Variants in LRFN2 observed in about 807,000 individuals in gnomAD.
The protein encoded by LRFN2 is leucine-rich repeat and fibronectin type-III domain-containing protein 2.
Under a neutral mutation model 37.3 loss-of-function variants are expected in LRFN2, and 18 were observed. The ratio of observed to expected loss-of-function variants is 0.48; its 90% CI spans 0.33 to 0.72. The LOEUF (loss-of-function observed/expected upper bound fraction) is 0.72. Among genes scored for constraint, LRFN2 ranks in the 30% least tolerant of loss-of-function variants. The probability of loss-of-function intolerance (pLI) is 0.02; values close to 1 mark genes in which losing one functional copy is unlikely to be tolerated. For missense variants in LRFN2, 1,006 were observed against 1,060.7 expected (o/e 0.95, Z 0.72); for synonymous variants, 556 against 466.6 (o/e 1.19, Z -2.47).
chr6:40,496,945 C>T lies in LRFN2; in HGVS notation c.-18-63814G>A, dbSNP rs941518600. On this transcript the variant is annotated intron_variant, in intron 1 of 2. Transcript: ENST00000338305. ...TGAAAATCCAGTTAATTACTCAGTG[C>T]CTTCCCTATCTATAATGTAAGGGTT... is the stretch of plus-strand genomic sequence containing the variant. 2.9e-4 allele frequency among the ~76,000 whole-genome samples: 44 copies of T among 152,090 alleles called. 1 individual carries two copies. Among genetic ancestry groups the T allele is most frequent in the African/African-American group, 7.2e-5 (3 of 41,408 alleles).
At chr6:40,420,235 C>T (rs79440993) in intron 2 of LRFN2, among the ~76,000 whole-genome samples, 16,685 of 152,272 alleles carry the variant, frequency 0.11, 1,015 homozygotes, top group Non-Finnish European at 0.13. Flanking sequence ...TGGCCCATCG[C>T]GTCCTGTGGT....
At chr6:40,452,166 C>T (rs1764125863) in intron 1 of LRFN2, among the ~76,000 whole-genome samples, 1 of 152,126 alleles carries the variant, frequency 6.6e-6, no homozygotes, top group South Asian at 2.1e-4. Flanking sequence ...TGAAGGTCTT[C>T]CAAGAATCAA....
chr6:40,560,262 A>G (rs1286156523), intron 1 of LRFN2, among the ~76,000 whole-genome samples: 1 of 152,188 alleles, frequency 6.6e-6, no homozygotes, highest in Non-Finnish European at 1.5e-5. Context: ...CGCTCTAACC[A>G]GCAGCACCGG....
intron 1 of LRFN2, among the ~76,000 whole-genome samples, chr6:40,453,332 A>G (rs2117155): frequency 0.26 from 40,209 of 151,970 alleles, 6,235 homozygotes; most frequent in Middle Eastern, 0.42. Context: ...GTGCATTGAC[A>G]TGGCACAATG....
At chr6:40,529,991 T>G (rs1766317661) in intron 1 of LRFN2, among the ~76,000 whole-genome samples, 1 of 152,218 alleles carries the variant, frequency 6.6e-6, no homozygotes, top group South Asian at 2.1e-4. Flanking sequence ...AACCTTCCAC[T>G]TTTCTCCAGC....
At chr6:40,517,887 A>G (rs988363978) in intron 1 of LRFN2, among the ~76,000 whole-genome samples, 1 of 152,106 alleles carries the variant, frequency 6.6e-6, no homozygotes, top group Non-Finnish European at 1.5e-5. Flanking sequence ...TGAATCACTC[A>G]ATCAAAGTTC....
At chr6:40,464,780 C>A (rs1764422970) in intron 1 of LRFN2, among the ~76,000 whole-genome samples, 1 of 152,060 alleles carries the variant, frequency 6.6e-6, no homozygotes. Context: ...TATTCAACCC[C>A]TACTCCAAAC....
At chr6:40,538,326 C>T (rs1337919059) in intron 1 of LRFN2, among the ~76,000 whole-genome samples, 1 of 152,088 alleles carries the variant, frequency 6.6e-6, no homozygotes, top group Non-Finnish European at 1.5e-5. Flanking sequence ...AGCTGTGTAG[C>T]AGCCCCCCTT....
intron 1 of LRFN2, among the ~76,000 whole-genome samples, chr6:40,505,808 G>T (rs1333421505): frequency 6.6e-6 from 1 of 152,314 alleles, no homozygotes; most frequent in Non-Finnish European, 1.5e-5. Context: ...GGGTTGGGGG[G>T]TCCCACCTGT....
At position 40,545,942 on chromosome 6, in the gene LRFN2, A is replaced by T. The variant is rs183658186; in HGVS notation, c.-19+40999T>A. 4.8e-3 allele frequency among the ~76,000 whole-genome samples: 725 copies of T among 152,278 alleles called. 9 individuals are homozygous for T. Among genetic ancestry groups the T allele is most frequent in the African/African-American group, 0.015 (609 of 41,550 alleles). On this transcript the variant is annotated intron_variant, in intron 1 of 2. Coordinates refer to ENST00000338305, the MANE Select transcript of LRFN2 (RefSeq NM_020737.3). ...TGGTGTTGTATCTTCAGCTCCTAGA[A>T]TCATGCCTGCCCAGGAATTTAATAG...
intron 2 of LRFN2, among the ~76,000 whole-genome samples, chr6:40,421,017 C>T (rs1254913666): frequency 6.6e-6 from 1 of 152,200 alleles, no homozygotes; most frequent in African/African-American, 2.4e-5. Flanking sequence ...GGGTATTAAT[C>T]CTCCAAACTC....
chr6:40,552,904 C>A lies in LRFN2; in HGVS notation c.-19+34037G>T, dbSNP rs1263228405. Among the ~76,000 whole-genome samples, 4 of 152,100 alleles carry A rather than the reference C, an allele frequency of 2.6e-5. No individual in the cohort carries two copies. In the South Asian group the frequency reaches 8.3e-4, roughly 32 times the overall value. ...TAATTCTGTGTTGGAGTGTTCTTAT[C>A]CTATTCTCATTTATCTTAATCAGTA... On this transcript the variant is annotated intron_variant, in intron 1 of 2. Transcript: ENST00000338305.
intron 2 of LRFN2, among the ~76,000 whole-genome samples, chr6:40,427,015 A>C (rs546836125): frequency 2.8e-4 from 43 of 152,298 alleles, no homozygotes; most frequent in African/African-American, 9.4e-4. Context: ...GATCAACTAC[A>C]ACTCTGAACC....
chr6:40,576,279 G>A (rs1581802505), intron 1 of LRFN2, among the ~76,000 whole-genome samples: 1 of 152,302 alleles, frequency 6.6e-6, no homozygotes, highest in East Asian at 1.9e-4. Context: ...ATGATACAAT[G>A]TAAGATAATA....
chr6:40,456,556 T>C (rs1321551599), intron 1 of LRFN2, among the ~76,000 whole-genome samples: 1 of 152,250 alleles, frequency 6.6e-6, no homozygotes, highest in Admixed American at 6.5e-5. Context: ...ATCGTGCTGC[T>C]GCTGCGTGGC....
chr6:40,470,608 CAAA>C lies in LRFN2; in HGVS notation c.-18-37480_-18-37478del, dbSNP rs35631332. 9.8e-5 allele frequency among the ~76,000 whole-genome samples: 13 copies of C among 133,320 alleles called. No individual in the cohort carries two copies. The East Asian group carries it at 1.7e-3, about 18-fold the overall frequency. 87.5% of individuals were successfully genotyped at this position (133,320 alleles called of 152,430 possible). A position where few individuals can be genotyped will look rare whatever the true frequency, so the allele number is the denominator to read the frequency against. On this transcript the variant is annotated intron_variant, in intron 1 of 2. Coordinates refer to ENST00000338305, the MANE Select transcript of LRFN2 (RefSeq NM_020737.3). ...CTGGTGACAGAGCAAGACTCTGTCT[CAAA>C]AAAAAAAAAAATAGGCTGTGTTCTA...
At chr6:40,411,783 A>AC (rs1405141288) in intron 2 of LRFN2, among the ~76,000 whole-genome samples, 1 of 139,818 alleles carries the variant, frequency 7.2e-6, no homozygotes, top group Non-Finnish European at 1.6e-5. Flanking sequence ...CTTACCCACC[A>AC]CCCCCAGCAC....
At chr6:40,506,618 T>A (rs932494500) in intron 1 of LRFN2, among the ~76,000 whole-genome samples, 5 of 152,156 alleles carry the variant, frequency 3.3e-5, no homozygotes, top group African/African-American at 1.2e-4. Context: ...CCAGGCATGT[T>A]CCTATATGCC....
At chr6:40,578,843 T>C (rs965238227) in intron 1 of LRFN2, among the ~76,000 whole-genome samples, 1 of 152,146 alleles carries the variant, frequency 6.6e-6, no homozygotes, top group Admixed American at 6.5e-5. Context: ...AATAACCCAC[T>C]CAAGTTCACA....
Sources: allele counts gnomAD v4.1 joint callset (sites outside exome capture counted in the v4.1 genomes callset), GRCh38; gene constraint gnomAD v4.1.1; transcripts MANE v1.5; gene names NCBI Gene and HGNC (gene_info 2026-07-23, HGNC 2026-07-21).